Variants in SMPD3 observed in about 807,000 individuals in gnomAD.
SMPD3 encodes the protein nSMase-2.
In SMPD3, 21 loss-of-function variants were observed where a neutral mutation model predicts 55.7. The observed-to-expected ratio is 0.38, with a 90% CI of 0.27 to 0.54. SMPD3 has a LOEUF of 0.54. SMPD3 is among the 20% of genes least tolerant of loss of function. The probability of loss-of-function intolerance (pLI) is 0.80; values close to 1 mark genes in which losing one functional copy is unlikely to be tolerated. For synonymous variants in SMPD3, 457 were observed against 404.3 expected, an observed-to-expected ratio of 1.13 and a Z score of -1.56; for missense variants, 842 against 899.6, an observed-to-expected ratio of 0.94 and a Z score of 0.82.
chr16:68,361,739 C>G lies in SMPD3; in HGVS notation c.1730G>C (p.Gly577Ala). Residue 577 changes from glycine (G) to alanine (A), a missense_variant, in exon 8 of 9, where the codon GGC becomes GCC. Coordinates refer to ENST00000219334, the MANE Select transcript of SMPD3 (RefSeq NM_018667.4). ...NLQKVLESEE[G>A]RREYLAFPTS... is the part of the protein sequence containing the mutation. ...GGGAAACGCCAGGTACTCCCTGCGGCCCTCCTCACTCTCCAGGACCCTGTC... is the reference window on the plus strand; with the variant it reads ...GGGAAACGCCAGGTACTCCCTGCGGGCCTCCTCACTCTCCAGGACCCTGTC... 6.2e-7 allele frequency: 1 copy of G among 1,612,734 alleles called. No individual in the cohort carries two copies. Among genetic ancestry groups the G allele is most frequent in the Non-Finnish European group, 8.5e-7 (1 of 1,179,956 alleles).
At position 68,371,675 on chromosome 16, in the gene SMPD3, A is replaced by G; in HGVS notation, c.507T>C (p.Ile169=). Residue 169 remains isoleucine, a synonymous_variant, in exon 3 of 9, where the codon ATT becomes ATC. Coordinates refer to ENST00000219334, the MANE Select transcript of SMPD3 (RefSeq NM_018667.4). ...AGGTATTGGTGGGGGAGTCGATGTA[A>G]ATTTTGATCTGGGGCCGGGCGGCCC... ...RNGAARPQIK[I]YIDSPTNTSI... 3.2e-6 allele frequency: 5 copies of G among 1,567,826 alleles called. No homozygotes were observed. Among genetic ancestry groups the G allele is most frequent in the Non-Finnish European group, 4.3e-6 (5 of 1,157,448 alleles).
chr16:68,406,134 G>T (rs1457024887), intron 1 of SMPD3, among the ~76,000 whole-genome samples: 1 of 151,386 alleles, frequency 6.6e-6, no homozygotes, highest in African/African-American at 2.5e-5. Context: ...GCTGTTTGAT[G>T]ATTCATTTTA....
intron 2 of SMPD3, among the ~76,000 whole-genome samples, chr16:68,379,960 A>G (rs923390052): frequency 6.6e-6 from 1 of 152,270 alleles, no homozygotes; most frequent in African/African-American, 2.4e-5. Flanking sequence ...TGTTTCAAAC[A>G]GCAGGACCCC....
intron 1 of SMPD3, among the ~76,000 whole-genome samples, chr16:68,410,252 G>T (rs1034192298): frequency 2.2e-4 from 33 of 152,196 alleles, no homozygotes; most frequent in African/African-American, 7.0e-4. Flanking sequence ...GTGTCAGGAA[G>T]CACAGGGCTC....
At chr16:68,412,892 A>T (rs1480436957) in intron 1 of SMPD3, among the ~76,000 whole-genome samples, 1 of 152,198 alleles carries the variant, frequency 6.6e-6, no homozygotes, top group Non-Finnish European at 1.5e-5. Context: ...TGAAGAGGGG[A>T]TGGAAGAACA....
At chr16:68,397,525 A>G (rs1207861243) in intron 1 of SMPD3, among the ~76,000 whole-genome samples, 4 of 152,124 alleles carry the variant, frequency 2.6e-5, no homozygotes, top group Non-Finnish European at 4.4e-5. Context: ...CTCCATACAG[A>G]AGCCAGAGTG....
intron 1 of SMPD3, among the ~76,000 whole-genome samples, chr16:68,406,381 A>G (rs1567802507): frequency 6.6e-6 from 1 of 152,224 alleles, no homozygotes; most frequent in Non-Finnish European, 1.5e-5. Context: ...GAATGAGAAA[A>G]TCAATTTAAC....
rs373143504 is a variant in SMPD3, at chr16:68,447,552, TACCTCTCAC to T, written c.-269+792_-269+800del. Among the ~76,000 whole-genome samples, 1 of 150,158 alleles carries T rather than the reference TACCTCTCAC, an allele frequency of 6.7e-6. No homozygotes were observed. The highest frequency in any genetic ancestry group is 2.4e-5 in the African/African-American group (1 of 40,880). ...CCTGTCCTCGTACATCCCCCTACAC[TACCTCTCAC>T]ACCCAGGCCACCCAACCCTCGGCGC... On this transcript the variant is annotated intron_variant, in intron 1 of 8. Transcript: ENST00000219334. The surrounding 1 kb of genome is among the most constrained non-coding windows in gnomAD (Gnocchi z 5.1).
chr16:68,383,044 G>A (rs777344604), intron 2 of SMPD3, among the ~76,000 whole-genome samples: 1 of 152,104 alleles, frequency 6.6e-6, no homozygotes, highest in Non-Finnish European at 1.5e-5. Flanking sequence ...CCACCATGTT[G>A]GCCAGGCTGG....
chr16:68,364,163 A>G (rs1027306027), intron 5 of SMPD3, among the ~76,000 whole-genome samples: 4 of 147,108 alleles, frequency 2.7e-5, no homozygotes, highest in African/African-American at 1.1e-4. Context: ...CACAAGGTCC[A>G]TGTGGTCATC....
chr16:68,412,948 C>T (rs1022198111), intron 1 of SMPD3, among the ~76,000 whole-genome samples: 9 of 152,176 alleles, frequency 5.9e-5, no homozygotes, highest in Admixed American at 5.2e-4. Context: ...ACATGTTAAC[C>T]TCCTAACAAT....
intron 2 of SMPD3, among the ~76,000 whole-genome samples, chr16:68,377,592 A>AG (rs1487246764): frequency 2.0e-5 from 3 of 152,196 alleles, no homozygotes; most frequent in African/African-American, 4.8e-5. Context: ...CTGAGGGCTC[A>AG]GGGGGCAGCT....
At chr16:68,432,366 A>G (rs1051992524) in intron 1 of SMPD3, among the ~76,000 whole-genome samples, 6 of 152,242 alleles carry the variant, frequency 3.9e-5, no homozygotes, top group Non-Finnish European at 7.3e-5. Flanking sequence ...AAGAGAAATT[A>G]TATGTAATAA....
At chr16:68,424,272 T>C (rs1399360994) in intron 1 of SMPD3, among the ~76,000 whole-genome samples, 2 of 151,952 alleles carry the variant, frequency 1.3e-5, no homozygotes, top group Non-Finnish European at 2.9e-5. Context: ...ATCTTGAAGC[T>C]TTGAATCCTG....
At chr16:68,432,418 G>C (rs1392155462) in intron 1 of SMPD3, among the ~76,000 whole-genome samples, 6 of 152,280 alleles carry the variant, frequency 3.9e-5, no homozygotes, top group Non-Finnish European at 4.4e-5. Flanking sequence ...TCCAATGAAA[G>C]TATGTACTTA....
At chr16:68,419,670 AC>A (rs1203061091) in intron 1 of SMPD3, among the ~76,000 whole-genome samples, 1 of 152,084 alleles carries the variant, frequency 6.6e-6, no homozygotes, top group Non-Finnish European at 1.5e-5. Flanking sequence ...GATAGAGAGA[AC>A]CCTCCTCACC....
chr16:68,381,576 T>G (rs908946120), intron 2 of SMPD3, among the ~76,000 whole-genome samples: 1 of 152,136 alleles, frequency 6.6e-6, no homozygotes, highest in African/African-American at 2.4e-5. Flanking sequence ...TGAGTGAAAG[T>G]GATCTCGGGT....
intron 1 of SMPD3, among the ~76,000 whole-genome samples, chr16:68,388,654 C>T (rs2090083478): frequency 6.6e-6 from 1 of 152,140 alleles, no homozygotes; most frequent in South Asian, 2.1e-4. Flanking sequence ...ACCCCACTCC[C>T]ATGCCCCACC....
intron 1 of SMPD3, among the ~76,000 whole-genome samples, chr16:68,413,429 T>C (rs2090317025): frequency 6.6e-6 from 1 of 152,234 alleles, no homozygotes; most frequent in Admixed American, 6.5e-5. Context: ...ACCTGGAAGA[T>C]AGTTTTGTGA....
Sources: allele counts gnomAD v4.1 joint callset (sites outside exome capture counted in the v4.1 genomes callset), GRCh38; gene constraint gnomAD v4.1.1; non-coding constraint Gnocchi (gnomAD v3.1); transcripts MANE v1.5; gene names NCBI Gene and HGNC (gene_info 2026-07-23, HGNC 2026-07-21).